The following RPGRIP1L variants were observed in gnomAD, a reference collection of about 807,000 sequenced individuals.
RPGRIP1L encodes RPGRIP1 like, also known as protein fantom.
A neutral mutation model predicts 160.4 loss-of-function variants in RPGRIP1L; 131 were observed. That is an observed-to-expected ratio of 0.82 (90% CI 0.71 to 0.94). The LOEUF (loss-of-function observed/expected upper bound fraction) is 0.94, where lower values mean the gene tolerates loss of function less well. Ranked by LOEUF, RPGRIP1L falls within the 40% of genes least tolerant of loss-of-function variation. The probability of loss-of-function intolerance (pLI) is 0.00; values close to 1 mark genes in which losing one functional copy is unlikely to be tolerated. For synonymous variants in RPGRIP1L, 510 were observed against 515.8 expected (o/e 0.99, Z 0.15); for missense variants, 1,522 against 1,535.8 (o/e 0.99, Z 0.15).
intron 24 of RPGRIP1L, among the ~76,000 whole-genome samples, chr16:53,617,997 TA>T (rs915391623): frequency 1.1e-4 from 17 of 152,216 alleles, no homozygotes; most frequent in Non-Finnish European, 2.2e-4. Flanking sequence ...GAGAACATAC[TA>T]AGCTGTTTTA....
chr16:53,604,878 A>C (rs1315100159), intron 26 of RPGRIP1L, among the ~76,000 whole-genome samples: 1 of 152,118 alleles, frequency 6.6e-6, no homozygotes, highest in African/African-American at 2.4e-5. Context: ...TTCCATAAAC[A>C]ACCCTAGAAA....
chr16:53,651,188 T>G (rs1053406067), intron 15 of RPGRIP1L, among the ~76,000 whole-genome samples: 8 of 152,336 alleles, frequency 5.3e-5, no homozygotes, highest in Non-Finnish European at 1.0e-4. Context: ...TTCTTCTAGC[T>G]GCTCATGCCA....
chr16:53,625,212 T>G lies in RPGRIP1L; in HGVS notation c.3295-2856A>C, dbSNP rs1256476283. Among the ~76,000 whole-genome samples, 6 of 152,194 alleles carry G rather than the reference T, an allele frequency of 3.9e-5. No homozygotes were observed. In the South Asian group the frequency reaches 6.2e-4, roughly 16 times the overall value. On this transcript the variant is annotated intron_variant, in intron 22 of 26. Transcript: ENST00000647211. ...CCGTCTAGGAAGTGAGGAGCGTCTCTGCCTGGCCACCCATTGTCTGGGAAG... is the reference window on the plus strand; with the variant it reads ...CCGTCTAGGAAGTGAGGAGCGTCTCGGCCTGGCCACCCATTGTCTGGGAAG...
At chr16:53,684,509 C>T (rs1015651482) in intron 6 of RPGRIP1L, among the ~76,000 whole-genome samples, 5 of 151,690 alleles carry the variant, frequency 3.3e-5, no homozygotes, top group East Asian at 3.9e-4. Flanking sequence ...AACCAAACAC[C>T]GCATGTTCTC....
intron 2 of RPGRIP1L, among the ~76,000 whole-genome samples, chr16:53,698,813 G>A (rs960304828): frequency 2.0e-5 from 3 of 151,084 alleles, no homozygotes; most frequent in African/African-American, 7.3e-5. Flanking sequence ...CGGGAGGTGA[G>A]GGGCGCCTCT....
In RPGRIP1L at chr16:53,679,463, G is replaced by A. The variant is rs115294533; in HGVS notation, c.777-4341C>T. 1.9e-4 allele frequency among the ~76,000 whole-genome samples: 28 copies of A among 151,318 alleles called. No individual in the cohort carries two copies. In the South Asian group the frequency reaches 4.6e-3, roughly 25 times the overall value. On this transcript the variant is annotated intron_variant, in intron 6 of 26. Transcript: ENST00000647211. ...GTCACCGACGATGGAGTGCAGTGTCGTGATCTCGGCTCACTGCACCCTCTG... is the reference window on the plus strand; with the variant it reads ...GTCACCGACGATGGAGTGCAGTGTCATGATCTCGGCTCACTGCACCCTCTG...
At chr16:53,649,639 C>T (rs1424509795) in intron 15 of RPGRIP1L, among the ~76,000 whole-genome samples, 1 of 152,178 alleles carries the variant, frequency 6.6e-6, no homozygotes, top group Admixed American at 6.5e-5. Context: ...ATGTCCCATG[C>T]AGTACACCCT....
intron 26 of RPGRIP1L, among the ~76,000 whole-genome samples, chr16:53,603,976 G>C (rs16952362): frequency 0.14 from 21,630 of 151,984 alleles, 1,607 homozygotes; most frequent in Middle Eastern, 0.2. Context: ...GGTCATATGC[G>C]GTCTCTCAGA....
chr16:53,618,131 G>C (rs1376256348), intron 24 of RPGRIP1L, among the ~76,000 whole-genome samples: 1 of 152,178 alleles, frequency 6.6e-6, no homozygotes, highest in African/African-American at 2.4e-5. Flanking sequence ...TGCTGGTCCA[G>C]TAAACTTACA....
At chr16:53,637,179 C>T (rs372274820) in intron 21 of RPGRIP1L, among the ~76,000 whole-genome samples, 2 of 152,002 alleles carry the variant, frequency 1.3e-5, no homozygotes, top group African/African-American at 2.4e-5. Context: ...GATGTTTTGA[C>T]GTAAGTGTAA....
At chr16:53,682,951 T>C (rs1046957619) in intron 6 of RPGRIP1L, among the ~76,000 whole-genome samples, 1 of 152,172 alleles carries the variant, frequency 6.6e-6, no homozygotes, top group African/African-American at 2.4e-5. Context: ...GAAGGGTATA[T>C]AATGTCACTA....
chr16:53,638,212 G>A, intron 20 of RPGRIP1L, 98 bp downstream of exon 20: 1 of 771,054 alleles, frequency 1.3e-6, no homozygotes, highest in Admixed American at 2.0e-5. Flanking sequence ...AAAAATAGGG[G>A]AAATGCTATG....
At chr16:53,636,610 C>A in intron 21 of RPGRIP1L, 98 bp from the exon 22 acceptor site, 1 of 803,900 alleles carries the variant, frequency 1.2e-6, no homozygotes, top group Non-Finnish European at 2.1e-6. Flanking sequence ...ATAAGATAAC[C>A]TTAAGAAACA....
At chr16:53,698,325 T>G (rs1456407853) in intron 2 of RPGRIP1L, among the ~76,000 whole-genome samples, 6 of 103,554 alleles carry the variant, frequency 5.8e-5, no homozygotes, top group Admixed American at 1.9e-4. Flanking sequence ...GGTGGGGGGG[T>G]CAGCCCCCCG....
At chr16:53,683,542 T>A (rs1969760332) in intron 6 of RPGRIP1L, among the ~76,000 whole-genome samples, 1 of 151,874 alleles carries the variant, frequency 6.6e-6, no homozygotes, top group Admixed American at 6.6e-5. Context: ...ATCAGTGAGG[T>A]GACATGATAT....
At chr16:53,666,147 T>C (rs1020636582) in intron 9 of RPGRIP1L, among the ~76,000 whole-genome samples, 5 of 152,190 alleles carry the variant, frequency 3.3e-5, no homozygotes, top group African/African-American at 9.6e-5. Flanking sequence ...CAACTAGTCT[T>C]CAGTTTTTAT....
intron 21 of RPGRIP1L, among the ~76,000 whole-genome samples, chr16:53,637,349 T>G (rs1250087722): frequency 6.6e-6 from 1 of 152,206 alleles, no homozygotes; most frequent in East Asian, 1.9e-4. Context: ...AAGTGGTCAT[T>G]TTTGGCTGGA....
chr16:53,605,450 T>G (rs1221587434), intron 26 of RPGRIP1L, 31 bp downstream of exon 26: 1 of 1,613,784 alleles, frequency 6.2e-7, no homozygotes, highest in South Asian at 1.1e-5. Flanking sequence ...AATTGTTGGT[T>G]GCACAAACTG....
chr16:53,694,645 G>C (rs2059605149), intron 3 of RPGRIP1L: 1 of 151,926 alleles, frequency 6.6e-6, no homozygotes, highest in African/African-American at 2.4e-5. Context: ...CGAGTAGCTA[G>C]GATTACAGGC....
Sources: gnomAD v4.1 joint callset for allele counts (sites outside exome capture counted in the v4.1 genomes callset) on GRCh38, gnomAD v4.1.1 for gene constraint, MANE v1.5 for transcripts, NCBI Gene and HGNC (gene_info 2026-07-23, HGNC 2026-07-21) for gene names.